The following CNTNAP4 variants were observed in gnomAD, a reference collection of about 807,000 sequenced individuals.
CNTNAP4 encodes contactin-associated protein-like 4.
A neutral mutation model predicts 148.4 loss-of-function variants in CNTNAP4; 98 were observed. The ratio of observed to expected loss-of-function variants is 0.66; its 90% CI spans 0.56 to 0.78. The LOEUF (loss-of-function observed/expected upper bound fraction) is 0.78, where lower values mean the gene tolerates loss of function less well. CNTNAP4 is among the 30% of genes least tolerant of loss of function. CNTNAP4 has a pLI of 0.00. For missense variants in CNTNAP4, 1,935 were observed against 1,565.6 expected, an observed-to-expected ratio of 1.24 and a Z score of -3.98; for synonymous variants, 730 against 565.1, an observed-to-expected ratio of 1.29 and a Z score of -4.14.
chr16:76,342,471 T>G (rs1013655948), intron 2 of CNTNAP4, among the ~76,000 whole-genome samples: 1 of 134,446 alleles, frequency 7.4e-6, no homozygotes. Context: ...ATTTCTTTTT[T>G]TTTTTTTTTT....
intron 23 of CNTNAP4, 163 bp from the exon 24 acceptor site, chr16:76,558,327 A>C: frequency 3.6e-6 from 2 of 552,894 alleles, no homozygotes; most frequent in Non-Finnish European, 6.4e-6. Flanking sequence ...ACATACAATA[A>C]TACTGCTTGA....
chr16:76,480,406 C>T (rs1597682272), intron 12 of CNTNAP4, among the ~76,000 whole-genome samples: 2 of 152,122 alleles, frequency 1.3e-5, no homozygotes, highest in East Asian at 3.9e-4. Flanking sequence ...AAGGTTTCTA[C>T]ACCGATAATT....
At chr16:76,355,549 A>G in intron 3 of CNTNAP4, 38 bp downstream of exon 3, 2 of 1,503,322 alleles carry the variant, frequency 1.3e-6, no homozygotes, top group Non-Finnish European at 1.8e-6. Context: ...TCTCGGGGAA[A>G]AAGTATAATC....
At chr16:76,358,769 A>G (rs2013030664) in intron 3 of CNTNAP4, among the ~76,000 whole-genome samples, 1 of 152,228 alleles carries the variant, frequency 6.6e-6, no homozygotes, top group Non-Finnish European at 1.5e-5. Flanking sequence ...TACAATAGAC[A>G]CCATTACCAC....
chr16:76,320,773 T>C (rs1335236822), intron 2 of CNTNAP4, among the ~76,000 whole-genome samples: 1 of 152,166 alleles, frequency 6.6e-6, no homozygotes, highest in Non-Finnish European at 1.5e-5. Flanking sequence ...TTTTATAGTG[T>C]TATAATCTGA....
intron 2 of CNTNAP4, among the ~76,000 whole-genome samples, chr16:76,324,951 A>G (rs1327372148): frequency 5.3e-5 from 8 of 152,200 alleles, no homozygotes; most frequent in Admixed American, 2.0e-4. Context: ...GTTGGGACAC[A>G]AACATTCAGC....
intron 3 of CNTNAP4, among the ~76,000 whole-genome samples, chr16:76,420,453 GACATCCTC>G (rs911504139): frequency 3.3e-5 from 5 of 151,850 alleles, no homozygotes; most frequent in African/African-American, 1.2e-4. Flanking sequence ...GAACCTCTCT[GACATCCTC>G]ACTATAATTC....
chr16:76,467,274 A>AT, intron 9 of CNTNAP4, 78 bp from the exon 10 acceptor site: 1 of 1,293,098 alleles, frequency 7.7e-7, no homozygotes, highest in South Asian at 1.3e-5. Flanking sequence ...TCTTTCTTTT[A>AT]TTTTTTAAAT....
chr16:76,382,228 A>G (rs995297858), intron 3 of CNTNAP4, among the ~76,000 whole-genome samples: 6 of 152,146 alleles, frequency 3.9e-5, no homozygotes, highest in Admixed American at 3.9e-4. Flanking sequence ...AAAATTAAAT[A>G]TAAAGCCATT....
intron 2 of CNTNAP4, among the ~76,000 whole-genome samples, chr16:76,335,867 T>A (rs1303675954): frequency 6.6e-6 from 1 of 152,074 alleles, no homozygotes; most frequent in African/African-American, 2.4e-5. Flanking sequence ...GTGTGAGATA[T>A]CAGAATGTCA....
chr16:76,440,955 A>G (rs1465824559), intron 4 of CNTNAP4, among the ~76,000 whole-genome samples: 2 of 152,092 alleles, frequency 1.3e-5, no homozygotes, highest in Non-Finnish European at 2.9e-5. Context: ...GGAAAACTGG[A>G]ATATATTGCC....
At chr16:76,391,041 A>G (rs1019679789) in intron 3 of CNTNAP4, among the ~76,000 whole-genome samples, 16 of 152,100 alleles carry the variant, frequency 1.1e-4, no homozygotes, top group African/African-American at 3.9e-4. Flanking sequence ...AGTTACTTTA[A>G]TATATACAGT....
intron 2 of CNTNAP4, among the ~76,000 whole-genome samples, chr16:76,335,311 C>G (rs1376987503): frequency 6.6e-6 from 1 of 152,130 alleles, no homozygotes; most frequent in East Asian, 1.9e-4. Flanking sequence ...GACACAATAT[C>G]TCTGCAAACC....
chr16:76,464,244 C>T (rs1422327823), intron 9 of CNTNAP4, among the ~76,000 whole-genome samples: 1 of 152,128 alleles, frequency 6.6e-6, no homozygotes, highest in East Asian at 1.9e-4. Flanking sequence ...GGAAAGGGTT[C>T]TAAGTGGACA....
At chr16:76,414,962 T>C (rs2078924938) in intron 3 of CNTNAP4, among the ~76,000 whole-genome samples, 2 of 150,964 alleles carry the variant, frequency 1.3e-5, no homozygotes, top group South Asian at 4.2e-4. Context: ...AACTTGTGTT[T>C]TTTTTCCCTA....
In CNTNAP4 at chr16:76,538,122, C is replaced by T; in HGVS notation, c.3002C>T (p.Ser1001Phe). The T allele has an allele frequency of 7.1e-7, 1 of 1,401,112 alleles. No individual in the cohort carries two copies. Among genetic ancestry groups the T allele is most frequent in the Non-Finnish European group, 9.5e-7 (1 of 1,056,652 alleles). The allele number at this position is 1,401,112 out of a possible 1,614,324, so 86.8% of individuals were successfully genotyped here. The stretch of plus-strand genomic sequence containing the variant: ...TATATATATATTATTTCAGAGATTT[C>T]TGCATATTTTGGATCTGGCTCATCC... ...YTGPFCSNEI[S>F]AYFGSGSSVI... The change falls in exon 19 of 24, where the codon TCT (serine) becomes TTT (phenylalanine). Residue 1001 changes from serine (S) to phenylalanine (F), a missense_variant. Physicochemically the swap from Ser to Phe is radical, Grantham distance 155. Coordinates refer to ENST00000611870, the MANE Select transcript of CNTNAP4 (RefSeq NM_033401.5).
intron 12 of CNTNAP4, among the ~76,000 whole-genome samples, chr16:76,486,189 ATTCATTTCCCTGTCTCC>A (rs1251420461): frequency 6.6e-6 from 1 of 152,188 alleles, no homozygotes; most frequent in Non-Finnish European, 1.5e-5. Context: ...GCCATCTCTT[ATTCATTTCCCTGTCTCC>A]TTACCCTACC....
chr16:76,332,709 G>C (rs1271197074), intron 2 of CNTNAP4, among the ~76,000 whole-genome samples: 1 of 145,636 alleles, frequency 6.9e-6, no homozygotes, highest in Non-Finnish European at 1.5e-5. Flanking sequence ...CTTAGATTCT[G>C]TTCATTTTTT....
At chr16:76,520,814 G>T (rs1389632617) in intron 15 of CNTNAP4, among the ~76,000 whole-genome samples, 5 of 152,172 alleles carry the variant, frequency 3.3e-5, no homozygotes, top group African/African-American at 1.2e-4. Context: ...ATGTTTGGCA[G>T]ATCGTATAAT....
Sources: allele counts gnomAD v4.1 joint callset (sites outside exome capture counted in the v4.1 genomes callset), GRCh38; gene constraint gnomAD v4.1.1; transcripts MANE v1.5; gene names NCBI Gene and HGNC (gene_info 2026-07-23, HGNC 2026-07-21).